The following TRPC6 variants were observed in gnomAD, a reference collection of about 807,000 sequenced individuals.
TRPC6 encodes the protein transient receptor potential cation channel subfamily C member 6.
Under a neutral mutation model 90.7 loss-of-function variants are expected in TRPC6, and 55 were observed. The ratio of observed to expected loss-of-function variants is 0.61; its 90% CI spans 0.49 to 0.76. TRPC6 has a LOEUF of 0.76. Among genes scored for constraint, TRPC6 ranks in the 30% least tolerant of loss-of-function variants. The pLI, the probability that TRPC6 is intolerant of heterozygous loss-of-function variation, is 0.00. For missense variants in TRPC6, 989 were observed against 1,122.7 expected, an observed-to-expected ratio of 0.88 and a Z score of 1.70; for synonymous variants, 393 against 393.0, an observed-to-expected ratio of 1.00 and a Z score of 0.00.
chr11:101,574,112 T>C (rs574787593), intron 1 of TRPC6, among the ~76,000 whole-genome samples: 1 of 151,078 alleles, frequency 6.6e-6, no homozygotes, highest in East Asian at 1.9e-4. Flanking sequence ...TTTTGGTCTA[T>C]TATGGATTCT....
intron 1 of TRPC6, among the ~76,000 whole-genome samples, chr11:101,539,022 G>A (rs1772211098): frequency 6.6e-6 from 1 of 152,184 alleles, no homozygotes; most frequent in South Asian, 2.1e-4. Flanking sequence ...GGCCCACCCA[G>A]ACTGCTAACC....
intron 1 of TRPC6, among the ~76,000 whole-genome samples, chr11:101,556,793 C>T (rs1203298458): frequency 6.6e-6 from 1 of 151,982 alleles, no homozygotes; most frequent in Non-Finnish European, 1.5e-5. Flanking sequence ...GAACATAGAT[C>T]CAAAAATCTT....
chr11:101,463,169 A>T (rs1859049399), intron 10 of TRPC6, among the ~76,000 whole-genome samples: 1 of 152,126 alleles, frequency 6.6e-6, no homozygotes, highest in Non-Finnish European at 1.5e-5. Flanking sequence ...CGGCTTGATC[A>T]TGGTGGATAA....
intron 1 of TRPC6, among the ~76,000 whole-genome samples, chr11:101,556,236 T>G (rs1405649627): frequency 6.6e-6 from 1 of 151,558 alleles, no homozygotes; most frequent in African/African-American, 2.4e-5. Context: ...ATAAATGAAA[T>G]AGAGACTAGG....
chr11:101,508,152 AAG>A (rs1860316619), intron 1 of TRPC6, among the ~76,000 whole-genome samples: 1 of 152,064 alleles, frequency 6.6e-6, no homozygotes, highest in Admixed American at 6.6e-5. Context: ...GGGGATGTTA[AAG>A]ATTGCACACA....
chr11:101,546,540 T>C (rs564493061), intron 1 of TRPC6, among the ~76,000 whole-genome samples: 2 of 152,316 alleles, frequency 1.3e-5, no homozygotes, highest in African/African-American at 4.8e-5. Context: ...TCTTGGCTTT[T>C]CCACTTAGTA....
At chr11:101,481,674 T>G (rs1342261338) in intron 5 of TRPC6, among the ~76,000 whole-genome samples, 1 of 152,004 alleles carries the variant, frequency 6.6e-6, no homozygotes, top group Non-Finnish European at 1.5e-5. Flanking sequence ...TGCTCTCGAG[T>G]CCTTTCCCCT....
In TRPC6 at chr11:101,471,324, C is replaced by G; in HGVS notation, c.2268G>C (p.Glu756Asp). The change falls in exon 9 of 13, where the codon GAG becomes GAC. Residue 756 changes from glutamate to aspartate, a missense_variant. Transcript: ENST00000344327. The stretch of plus-strand genomic sequence containing the variant: ...TGAAGGGTACAGGAAGTGTTCTGCC[C>G]TCCTCAAAGTAGGAAAACCAGAGTT... ...RAKLWFSYFE[E>D]GRTLPVPFNL... 6.2e-7 allele frequency: 1 copy of G among 1,613,922 alleles called. No homozygotes were observed. Among genetic ancestry groups the G allele is most frequent in the Non-Finnish European group, 8.5e-7 (1 of 1,179,868 alleles).
intron 1 of TRPC6, among the ~76,000 whole-genome samples, chr11:101,543,330 T>C (rs11224834): frequency 0.1 from 15,213 of 152,050 alleles, 880 homozygotes; most frequent in Middle Eastern, 0.14. Context: ...ATGTACTCTA[T>C]GACCATGCAA....
At chr11:101,534,888 C>T (rs1020302190) in intron 1 of TRPC6, among the ~76,000 whole-genome samples, 3 of 152,172 alleles carry the variant, frequency 2.0e-5, no homozygotes, top group African/African-American at 4.8e-5. Flanking sequence ...CTGGGCTGGG[C>T]GTAGTAGCTT....
intron 2 of TRPC6, among the ~76,000 whole-genome samples, chr11:101,500,616 C>T (rs892705679): frequency 4.0e-5 from 6 of 151,834 alleles, no homozygotes; most frequent in Non-Finnish European, 7.4e-5. Flanking sequence ...TATCCAGAGC[C>T]TTTTAGCAAG....
At chr11:101,471,680 TTCTC>T (rs1177275158) in intron 8 of TRPC6, among the ~76,000 whole-genome samples, 12 of 152,320 alleles carry the variant, frequency 7.9e-5, no homozygotes, top group South Asian at 4.1e-4. Context: ...TGAAAAATTA[TTCTC>T]TCTTTTATTC....
At chr11:101,538,740 G>T (rs1861109163) in intron 1 of TRPC6, among the ~76,000 whole-genome samples, 1 of 152,134 alleles carries the variant, frequency 6.6e-6, no homozygotes, top group Non-Finnish European at 1.5e-5. Context: ...GATAAAAACT[G>T]GACCCACGTG....
intron 10 of TRPC6, among the ~76,000 whole-genome samples, chr11:101,466,912 T>C (rs1319647657): frequency 6.6e-6 from 1 of 152,216 alleles, no homozygotes; most frequent in Non-Finnish European, 1.5e-5. Context: ...AAAAGCACAG[T>C]ATCTGGGTCA....
intron 1 of TRPC6, among the ~76,000 whole-genome samples, chr11:101,576,650 G>A (rs1862077233): frequency 6.6e-6 from 1 of 152,046 alleles, no homozygotes; most frequent in Admixed American, 6.6e-5. Context: ...TTATCCAACT[G>A]GAACCAATTA....
intron 1 of TRPC6, among the ~76,000 whole-genome samples, chr11:101,506,151 A>G (rs1860260145): frequency 6.6e-6 from 1 of 152,104 alleles, no homozygotes; most frequent in Admixed American, 6.6e-5. Flanking sequence ...TTACAATTAG[A>G]GGTTCAACTC....
chr11:101,453,295 T>A (rs1044087665), intron 12 of TRPC6, among the ~76,000 whole-genome samples, 189 bp from the exon 13 acceptor site: 2 of 152,162 alleles, frequency 1.3e-5, no homozygotes, highest in African/African-American at 4.8e-5. Context: ...ATGAAGAGAT[T>A]ATAGCAGAAT....
intron 1 of TRPC6, among the ~76,000 whole-genome samples, chr11:101,573,149 G>A (rs926498078): frequency 2.7e-5 from 4 of 147,222 alleles, no homozygotes; most frequent in Non-Finnish European, 6.0e-5. Flanking sequence ...GGAAAGAATT[G>A]TAGAGATAAG....
intron 1 of TRPC6, among the ~76,000 whole-genome samples, chr11:101,567,978 C>A (rs1861873801): frequency 6.6e-6 from 1 of 152,190 alleles, no homozygotes; most frequent in Non-Finnish European, 1.5e-5. Context: ...AGGATCACAA[C>A]TCCTCACCAG....
Sources: gnomAD v4.1 joint callset for allele counts (sites outside exome capture counted in the v4.1 genomes callset) on GRCh38, gnomAD v4.1.1 for gene constraint, MANE v1.5 for transcripts, NCBI Gene and HGNC (gene_info 2026-07-23, HGNC 2026-07-21) for gene names.